PRSS54: variants seen among roughly 807,000 people sequenced by gnomAD.
The protein encoded by PRSS54 is inactive serine protease 54.
In PRSS54, 16 loss-of-function variants were observed where a neutral mutation model predicts 19.9. That is an observed-to-expected ratio of 0.80 (90% confidence interval 0.54 to 1.22). PRSS54 has a LOEUF of 1.22. Among genes scored for constraint, PRSS54 ranks in the 50% most tolerant of loss-of-function variants. PRSS54 has a pLI of 0.00. For synonymous variants in PRSS54, 177 were observed against 195.8 expected, an observed-to-expected ratio of 0.90 and a Z score of 0.80; for missense variants, 444 against 494.8, an observed-to-expected ratio of 0.90 and a Z score of 0.97.
intron 4 of PRSS54, among the ~76,000 whole-genome samples, chr16:58,289,575 C>CTTT (rs11371804): frequency 1.1e-4 from 16 of 146,096 alleles, no homozygotes; most frequent in Middle Eastern, 3.6e-3. Context: ...TTACTACATA[C>CTTT]TTTTTTTTTT....
chr16:58,290,924 G>A, intron 4 of PRSS54, 35 bp downstream of exon 4: 20 of 1,609,128 alleles, frequency 1.2e-5, no homozygotes, highest in Non-Finnish European at 1.6e-5. Flanking sequence ...CTCACCCCCG[G>A]CGATGTTGCG....
intron 4 of PRSS54, 56 bp from the exon 5 acceptor site, chr16:58,286,251 T>G: frequency 6.3e-7 from 1 of 1,582,772 alleles, no homozygotes; most frequent in Non-Finnish European, 8.6e-7. Context: ...AGCTTCACGC[T>G]TCCCTGTTTT....
At chr16:58,289,091 G>A (rs914168756) in intron 4 of PRSS54, among the ~76,000 whole-genome samples, 6 of 152,160 alleles carry the variant, frequency 3.9e-5, no homozygotes, top group Non-Finnish European at 7.3e-5. Context: ...GTATAAGGCT[G>A]GGGCTGTAAT....
intron 4 of PRSS54, among the ~76,000 whole-genome samples, chr16:58,287,051 G>C (rs1253302737): frequency 6.6e-6 from 1 of 152,146 alleles, no homozygotes; most frequent in Non-Finnish European, 1.5e-5. Flanking sequence ...AGAGGAAAAT[G>C]AAAGATAAGG....
chr16:58,284,826 T>A, intron 5 of PRSS54, 105 bp from the exon 6 acceptor site: 1 of 1,367,752 alleles, frequency 7.3e-7, no homozygotes, highest in Non-Finnish European at 1.0e-6. Flanking sequence ...AATTTTTTTT[T>A]TTTTTTGAGT....
Position 58,291,060 on chromosome 16 carries a change from C to T in PRSS54, c.162G>A (p.Pro54=), listed in dbSNP as rs766130225. ...GGGAGTCCTGCAGCGACACCACCCA[C>T]GGGAACTCCATGCTGCTGACCAAGC... ...KEGLVSSMEF[P]WVVSLQDSQY... Residue 54 remains proline, a synonymous_variant, in exon 4 of 7, where the codon CCG becomes CCA. Coordinates refer to ENST00000567164, the MANE Select transcript of PRSS54 (RefSeq NM_001305173.2). 6 of 1,614,200 alleles carry T rather than the reference C, an allele frequency of 3.7e-6. No homozygotes were observed. The highest frequency in any genetic ancestry group is 3.3e-5 in the Admixed American group (2 of 60,028).
Position 58,284,658 on chromosome 16 carries a change from G to C in PRSS54, c.586C>G (p.Pro196Ala), listed in dbSNP as rs61740099. The change falls in exon 6 of 7, where the codon CCC (proline) becomes GCC (alanine). Residue 196 changes from proline (P) to alanine (A), a missense_variant. Transcript: ENST00000567164. ...TCTGTCTTCTGGAGTTTGTATAGGG[G>C]ACACATGTCAAGATCTTTCACGAAG... Reference protein sequence around the residue: ...KIFVKDLDMCPLYKLQKTECG... With the variant: ...KIFVKDLDMCALYKLQKTECG... 8.5e-3 allele frequency: 13,794 copies of C among 1,613,930 alleles called. 84 individuals are homozygous for C. Among genetic ancestry groups the C allele is most frequent in the South Asian group, 0.01 (951 of 91,066 alleles).
At chr16:58,283,120 G>C (rs16960040) in intron 6 of PRSS54, 1 of 152,210 alleles carries the variant, frequency 6.6e-6, no homozygotes, top group Non-Finnish European at 1.5e-5. Context: ...CAAAAGCCCT[G>C]ACAGTGGTAG....
intron 4 of PRSS54, among the ~76,000 whole-genome samples, chr16:58,286,693 C>T (rs1022835006): frequency 6.6e-6 from 1 of 152,126 alleles, no homozygotes; most frequent in African/African-American, 2.4e-5. Context: ...CCTTTCTCCT[C>T]TTGGGAATCA....
chr16:58,282,552 C>A (rs911253602), intron 6 of PRSS54: 1 of 152,398 alleles, frequency 6.6e-6, no homozygotes, highest in Non-Finnish European at 1.5e-5. Context: ...GGAGGCCATG[C>A]TGCAAAGCTG....
At position 58,294,091 on chromosome 16, in the gene PRSS54, CA is replaced by C. The variant is rs1965097321; in HGVS notation, c.-114del. 2 of 446,972 alleles carry C rather than the reference CA, an allele frequency of 4.5e-6. No individual in the cohort carries two copies. Among genetic ancestry groups the C allele is most frequent in the Middle Eastern group, 5.8e-4 (1 of 1,720 alleles). The allele number at this position is 446,972 out of a possible 1,614,324, so 27.7% of individuals were successfully genotyped here. A position where few individuals can be genotyped will look rare whatever the true frequency, so the allele number is the denominator to read the frequency against. On this transcript the variant is annotated 5_prime_UTR_variant, in exon 2 of 7. Transcript: ENST00000567164. ...AGAAGAGAGGGCAGCTTACTCTTGT[CA>C]GTTTTCTTCTCAATCCAGCCCAAGC...
At chr16:58,286,656 G>A (rs72786158) in intron 4 of PRSS54, among the ~76,000 whole-genome samples, 15,692 of 152,144 alleles carry the variant, frequency 0.1, 895 homozygotes, top group Admixed American at 0.13. Flanking sequence ...AAGTTCTAAT[G>A]ACAATAGAAT....
chr16:58,287,220 A>G (rs1245601710), intron 4 of PRSS54, among the ~76,000 whole-genome samples: 1 of 152,350 alleles, frequency 6.6e-6, no homozygotes, highest in East Asian at 1.9e-4. Flanking sequence ...CGTGTCCACT[A>G]TCTCTATAGT....
At chr16:58,291,809 A>G (rs996562927) in intron 3 of PRSS54, among the ~76,000 whole-genome samples, 28 of 152,288 alleles carry the variant, frequency 1.8e-4, no homozygotes, top group African/African-American at 6.3e-4. Context: ...AAGAATGTGA[A>G]GACATTATTT....
rs1965091405 is a variant in PRSS54, at chr16:58,293,827, G to C, written c.-6-5C>G. On this transcript the variant is annotated splice_polypyrimidine_tract_variant and splice_region_variant and intron_variant, in intron 2 of 6. Transcript: ENST00000567164. ...CGCCGCGGACACCATGGGCAGCTGG[G>C]GAAACAAAACCCAATGACTCCATCC... is the stretch of plus-strand genomic sequence containing the variant. 1.7e-5 allele frequency: 28 copies of C among 1,609,806 alleles called. No individual in the cohort carries two copies. The highest frequency in any genetic ancestry group is 2.3e-5 in the Non-Finnish European group (27 of 1,178,202).
rs1356308408 is a variant in PRSS54 at position 58,284,605 on chromosome 16, G to A, written c.639C>T (p.Thr213=). 4 of 1,613,906 alleles carry A rather than the reference G, an allele frequency of 2.5e-6. No individual in the cohort carries two copies. The highest frequency in any genetic ancestry group is 3.4e-6 in the Non-Finnish European group (4 of 1,179,924). The change falls in exon 6 of 7, where the codon ACC becomes ACT. Residue 213 remains threonine, a synonymous_variant. Transcript: ENST00000567164. ...TECGSHTKEE[T]KTACLGDPGS... ...ATGTTCTTACCAAGCAGGCAGTCTT[G>A]GTTTCCTCTTTCGTGTGGCTGCCGC...
At chr16:58,284,778 CA>C in intron 5 of PRSS54, 57 bp from the exon 6 acceptor site, 1 of 1,597,268 alleles carries the variant, frequency 6.3e-7, no homozygotes, top group Admixed American at 1.7e-5. Flanking sequence ...TCCCCTATGT[CA>C]ACACAACTCC....
At chr16:58,282,027 G>A (rs77656360) in intron 6 of PRSS54, 1 of 42,792 alleles carries the variant, frequency 2.3e-5, no homozygotes, top group Non-Finnish European at 4.8e-5. Flanking sequence ...TTTTTTTTTT[G>A]AGATGGAGTC....
intron 1 of PRSS54, among the ~76,000 whole-genome samples, chr16:58,294,656 C>T (rs112497631): frequency 5.5e-4 from 84 of 152,280 alleles, no homozygotes; most frequent in Middle Eastern, 3.4e-3. Context: ...CTGGGATTAC[C>T]AGCGTGAGCC....
Sources: allele counts gnomAD v4.1 joint callset (sites outside exome capture counted in the v4.1 genomes callset), GRCh38; gene constraint gnomAD v4.1.1; transcripts MANE v1.5; gene names NCBI Gene and HGNC (gene_info 2026-07-23, HGNC 2026-07-21).